GCSAML: variants seen among roughly 807,000 people sequenced by gnomAD.
The protein encoded by GCSAML is germinal center-associated signaling and motility-like protein.
A neutral mutation model predicts 13.0 loss-of-function variants in GCSAML; 9 were observed. The ratio of observed to expected loss-of-function variants is 0.69; its 90% CI spans 0.42 to 1.21. The LOEUF (loss-of-function observed/expected upper bound fraction) is 1.21, where lower values mean the gene tolerates loss of function less well. GCSAML is among the 50% of genes most tolerant of loss of function. The pLI is 0.00. For synonymous variants in GCSAML, 37 were observed against 52.9 expected (o/e 0.70, Z 1.31); for missense variants, 143 against 153.4 (o/e 0.93, Z 0.36).
At chr1:247,524,801 T>C (rs553846834) in intron 1 of GCSAML, 1 of 152,302 alleles carries the variant, frequency 6.6e-6, no homozygotes, top group East Asian at 1.9e-4. Context: ...TCAACACTTA[T>C]ATGATGACAA....
intron 2 of GCSAML, chr1:247,536,262 A>G (rs1400860218): frequency 2.0e-5 from 3 of 152,238 alleles, no homozygotes; most frequent in African/African-American, 7.2e-5. Context: ...ACATTCATGA[A>G]TTCAATGCGT....
chr1:247,542,269 A>G (rs1292001934), intron 2 of GCSAML, among the ~76,000 whole-genome samples: 1 of 152,208 alleles, frequency 6.6e-6, no homozygotes, highest in African/African-American at 2.4e-5. Context: ...CCAGGGCTAC[A>G]CAGTGAGACC....
intron 1 of GCSAML, among the ~76,000 whole-genome samples, chr1:247,554,568 T>G (rs1157044930): frequency 6.6e-6 from 1 of 152,198 alleles, no homozygotes; most frequent in Non-Finnish European, 1.5e-5. Flanking sequence ...GCAAGCTATT[T>G]TCTTCACACT....
intron 4 of GCSAML, among the ~76,000 whole-genome samples, chr1:247,568,852 T>C (rs1471273821): frequency 6.6e-6 from 1 of 152,212 alleles, no homozygotes; most frequent in Non-Finnish European, 1.5e-5. Context: ...TTTTATTTCC[T>C]TGAGCAGTGG....
At chr1:247,538,861 C>T (rs1467441314) in intron 2 of GCSAML, 2 of 405,304 alleles carry the variant, frequency 4.9e-6, no homozygotes, top group Non-Finnish European at 1.0e-5. Flanking sequence ...TCTCGACCTG[C>T]CTAATACAGA....
intron 2 of GCSAML, among the ~76,000 whole-genome samples, chr1:247,562,913 C>G (rs12074628): frequency 6.9e-4 from 105 of 151,902 alleles, no homozygotes; most frequent in African/African-American, 2.5e-3. Context: ...GATCTCTGCT[C>G]GCTGCAACCT....
chr1:247,531,553 A>G, intron 2 of GCSAML: 1 of 1,612,956 alleles, frequency 6.2e-7, no homozygotes, highest in South Asian at 1.1e-5. Context: ...GAGTCTCTAA[A>G]TTTGCGCCAG....
intron 2 of GCSAML, chr1:247,532,334 T>C: frequency 6.2e-7 from 1 of 1,614,016 alleles, no homozygotes; most frequent in Non-Finnish European, 8.5e-7. Context: ...AAGAAGTACA[T>C]AGGTGTGTGG....
chr1:247,530,039 G>A (rs937021391), intron 2 of GCSAML: 1 of 104,184 alleles, frequency 9.6e-6, no homozygotes, highest in Admixed American at 1.0e-4. Context: ...CCCCCTCAGG[G>A]TGTGTGTGTG....
At chr1:247,546,017 T>C (rs544747927), upstream of GCSAML, among the ~76,000 whole-genome samples, 3 of 152,306 alleles carry the variant, frequency 2.0e-5, no homozygotes, top group South Asian at 6.2e-4. Context: ...ATATCTTTAT[T>C]ACCTTGACTG....
chr1:247,546,846 T>C (rs966440264), upstream of GCSAML, among the ~76,000 whole-genome samples: 2 of 151,486 alleles, frequency 1.3e-5, no homozygotes, highest in African/African-American at 4.9e-5. Flanking sequence ...TCCCAGCACT[T>C]TGGGAGGCCA....
chr1:247,575,947 T>A lies in GCSAML; in HGVS notation c.*1565T>A, dbSNP rs1668820459. 1.3e-5 allele frequency: 2 copies of A among 152,316 alleles called. No individual in the cohort carries two copies. Among genetic ancestry groups the A allele is most frequent in the East Asian group, 1.9e-4 (1 of 5,188 alleles). 9.4% of individuals were successfully genotyped at this position (152,316 alleles called of 1,614,324 possible). On this transcript the variant is annotated 3_prime_UTR_variant, in exon 5 of 5. Transcript: ENST00000366488. ...AATTGACAATGCATTCATTATATATTTTTTTGTATAGTTACAGTATACGAG... is the reference window on the plus strand; with the variant it reads ...AATTGACAATGCATTCATTATATATATTTTTGTATAGTTACAGTATACGAG...
rs770936766 is a variant in GCSAML at position 247,575,860 on chromosome 1, C to T, written c.*1478C>T. 9 of 152,144 alleles carry T rather than the reference C, an allele frequency of 5.9e-5. No homozygotes were observed. The highest frequency in any genetic ancestry group is 1.0e-4 in the Non-Finnish European group (7 of 68,012). 9.4% of individuals were successfully genotyped at this position (152,144 alleles called of 1,614,324 possible). A position where few individuals can be genotyped will look rare whatever the true frequency, so the allele number is the denominator to read the frequency against. On this transcript the variant is annotated 3_prime_UTR_variant, in exon 5 of 5. Transcript: ENST00000366488. ...CTGGAAAATAATCCATCTAATTATG[C>T]TTTCTTTCCCAAGAAGTTTTTTAAT...
intron 1 of GCSAML, among the ~76,000 whole-genome samples, chr1:247,514,289 CTTT>C (rs1666141543): frequency 2.6e-5 from 4 of 152,236 alleles, no homozygotes; most frequent in Admixed American, 2.6e-4. Context: ...TGGAAATCTT[CTTT>C]TAAGAATTGT....
In GCSAML at chr1:247,518,317, G is replaced by A. The variant is rs1200584749; in HGVS notation, c.-262-8623G>A. The A allele has an allele frequency of 3.3e-5, 5 of 152,604 alleles. No homozygotes were observed. In the East Asian group the frequency reaches 9.7e-4, roughly 29 times the overall value. The allele number at this position is 152,604 out of a possible 1,614,324, so 9.5% of individuals were successfully genotyped here. On this transcript the variant is annotated intron_variant, in intron 1 of 5. Transcript: ENST00000366489. ...CGCATTTCCGCGTGGACGCCGGCAG[G>A]GTGGAACGCCTGGCTTTCCCCGGCC...
chr1:247,516,890 T>C (rs946716125), intron 1 of GCSAML, among the ~76,000 whole-genome samples: 6 of 152,224 alleles, frequency 3.9e-5, no homozygotes, highest in African/African-American at 1.4e-4. Flanking sequence ...GCGAGATCTA[T>C]GTTCCCAGCG....
chr1:247,575,263 C>T lies in GCSAML; in HGVS notation c.*881C>T, dbSNP rs1173731143. The T allele has an allele frequency of 6.6e-6, 1 of 152,144 alleles. No homozygotes were observed. The highest frequency in any genetic ancestry group is 1.5e-5 in the Non-Finnish European group (1 of 68,042). The allele number at this position is 152,144 out of a possible 1,614,324, so 9.4% of individuals were successfully genotyped here. ...CTCAGGACCTCCTGAGAGTGTATCC[C>T]AGGCCATGGTAAGTCATGTTGGCTC... On this transcript the variant is annotated 3_prime_UTR_variant, in exon 5 of 5. Transcript: ENST00000366488.
In GCSAML at chr1:247,574,581, A is replaced by G. The variant is rs1668762756; in HGVS notation, c.*199A>G. Reference sequence around the variant, plus strand: ...TAGGTGAAATCATAGAAATTGACACAATGACCTAAAATATTCTATGTGTTT... The same window carrying G: ...TAGGTGAAATCATAGAAATTGACACGATGACCTAAAATATTCTATGTGTTT... On this transcript the variant is annotated 3_prime_UTR_variant, in exon 5 of 5. Coordinates refer to ENST00000366488, the MANE Select transcript of GCSAML (RefSeq NM_145278.5). 1.7e-6 allele frequency: 1 copy of G among 583,434 alleles called. No homozygotes were observed. Among genetic ancestry groups the G allele is most frequent in the Non-Finnish European group, 2.9e-6 (1 of 339,676 alleles). The allele number at this position is 583,434 out of a possible 1,614,324, so 36.1% of individuals were successfully genotyped here.
chr1:247,571,566 T>C (rs1368577164), intron 4 of GCSAML, among the ~76,000 whole-genome samples: 1 of 152,220 alleles, frequency 6.6e-6, no homozygotes, highest in Admixed American at 6.5e-5. Flanking sequence ...TGCAGAGAGA[T>C]CCGCCATTAG....
Sources: allele counts gnomAD v4.1 joint callset (sites outside exome capture counted in the v4.1 genomes callset), GRCh38; gene constraint gnomAD v4.1.1; transcripts MANE v1.5; gene names NCBI Gene and HGNC (gene_info 2026-07-23, HGNC 2026-07-21).